CDH7: variants seen among roughly 807,000 people sequenced by gnomAD.
CDH7 encodes the protein cadherin 7.
Under a neutral mutation model 71.8 loss-of-function variants are expected in CDH7, and 25 were observed. The observed-to-expected ratio is 0.35, with a 90% CI of 0.25 to 0.49. CDH7 has a LOEUF of 0.49. Among genes scored for constraint, CDH7 ranks in the 20% least tolerant of loss-of-function variants. The pLI is 0.99. For synonymous variants in CDH7, 381 were observed against 363.8 expected, an observed-to-expected ratio of 1.05 and a Z score of -0.54; for missense variants, 862 against 974.6, an observed-to-expected ratio of 0.88 and a Z score of 1.54.
intron 7 of CDH7, among the ~76,000 whole-genome samples, chr18:65,846,139 G>A (rs1206828631): frequency 2.0e-5 from 3 of 152,010 alleles, no homozygotes; most frequent in Non-Finnish European, 4.4e-5. Context: ...TTAGGAAGAA[G>A]AAGGAATAGT....
chr18:65,778,333 C>T (rs758706952), intron 2 of CDH7, among the ~76,000 whole-genome samples: 67 of 144,786 alleles, frequency 4.6e-4, no homozygotes, highest in Non-Finnish European at 5.5e-4. Flanking sequence ...AAGCATGTAA[C>T]CCTGAATTCC....
chr18:65,861,294 G>A (rs1913554806), intron 10 of CDH7, among the ~76,000 whole-genome samples: 1 of 150,740 alleles, frequency 6.6e-6, no homozygotes, highest in Non-Finnish European at 1.5e-5. Context: ...CTCACTTTTT[G>A]GGCATTTCAG....
intron 6 of CDH7, among the ~76,000 whole-genome samples, chr18:65,826,412 T>C (rs1305797387): frequency 1.3e-5 from 2 of 151,174 alleles, no homozygotes; most frequent in African/African-American, 4.8e-5. Flanking sequence ...TATTGAACAA[T>C]GGAAGAAATG....
rs1331095260 is a variant in CDH7 at position 65,762,678 on chromosome 18, A to G, written c.-165A>G. On this transcript the variant is annotated 5_prime_UTR_variant, in exon 2 of 12. Coordinates refer to ENST00000397968, the MANE Select transcript of CDH7 (RefSeq NM_004361.5). ...ACTACACCATTCTTTGGCGAAGGCT[A>G]TTCAGCAGTGGTGACCTCTTCCAAT... 6.7e-6 allele frequency: 4 copies of G among 597,658 alleles called. No individual in the cohort carries two copies. Among genetic ancestry groups the G allele is most frequent in the Non-Finnish European group, 1.2e-5 (4 of 339,298 alleles). The allele number at this position is 597,658 out of a possible 1,614,324, so 37.0% of individuals were successfully genotyped here. A position where few individuals can be genotyped will look rare whatever the true frequency, so the allele number is the denominator to read the frequency against.
chr18:65,868,451 T>TA (rs1913831827), intron 11 of CDH7, among the ~76,000 whole-genome samples: 1 of 152,162 alleles, frequency 6.6e-6, no homozygotes, highest in Admixed American at 6.5e-5. Flanking sequence ...GCCTCCTAAA[T>TA]GTTCTTTATA....
chr18:65,839,588 A>G (rs1281640444), intron 6 of CDH7, among the ~76,000 whole-genome samples: 1 of 152,196 alleles, frequency 6.6e-6, no homozygotes, highest in Non-Finnish European at 1.5e-5. Context: ...CATTTTTTAA[A>G]ATGCATGTTA....
At chr18:65,812,436 A>T (rs544035162) in intron 3 of CDH7, among the ~76,000 whole-genome samples, 1 of 152,328 alleles carries the variant, frequency 6.6e-6, no homozygotes, top group South Asian at 2.1e-4. Flanking sequence ...AAACTACATA[A>T]CATACGTTGT....
chr18:65,875,786 T>C (rs1914056983), intron 11 of CDH7, among the ~76,000 whole-genome samples: 1 of 151,908 alleles, frequency 6.6e-6, no homozygotes, highest in Admixed American at 6.6e-5. Context: ...AAAATAGCCA[T>C]GTGTGGTGGT....
At chr18:65,752,069 T>A (rs1278511103) in intron 1 of CDH7, among the ~76,000 whole-genome samples, 1 of 152,250 alleles carries the variant, frequency 6.6e-6, no homozygotes, top group East Asian at 1.9e-4. Context: ...ACGAGGAATG[T>A]ACTTATAACA....
intron 5 of CDH7, among the ~76,000 whole-genome samples, 179 bp downstream of exon 5, chr18:65,822,427 T>C (rs1911968890): frequency 6.6e-6 from 1 of 152,116 alleles, no homozygotes; most frequent in South Asian, 2.1e-4. Context: ...ATTATAAGGG[T>C]ATTGAGAAGA....
At chr18:65,848,017 T>A (rs1452348358) in intron 7 of CDH7, among the ~76,000 whole-genome samples, 1 of 152,130 alleles carries the variant, frequency 6.6e-6, no homozygotes, top group Non-Finnish European at 1.5e-5. Flanking sequence ...GGCAAGCACG[T>A]TTCCGGCTTG....
chr18:65,781,932 C>CTT (rs1910262003), intron 2 of CDH7, among the ~76,000 whole-genome samples: 1 of 118,144 alleles, frequency 8.5e-6, no homozygotes, highest in African/African-American at 4.3e-5. Flanking sequence ...TTCTCTCTCT[C>CTT]TCTCTCTCTC....
At chr18:65,766,304 T>G (rs996581532) in intron 2 of CDH7, among the ~76,000 whole-genome samples, 51 of 152,288 alleles carry the variant, frequency 3.3e-4, no homozygotes, top group African/African-American at 1.2e-3. Context: ...TAAATGACTC[T>G]TCAGTCAATA....
chr18:65,796,105 A>G (rs907851389), intron 2 of CDH7, among the ~76,000 whole-genome samples: 1 of 152,196 alleles, frequency 6.6e-6, no homozygotes, highest in African/African-American at 2.4e-5. Flanking sequence ...ATGGACTAAT[A>G]TAATATCCTT....
At chr18:65,823,899 T>C (rs1912030117) in intron 5 of CDH7, among the ~76,000 whole-genome samples, 1 of 151,912 alleles carries the variant, frequency 6.6e-6, no homozygotes. Context: ...GCTGCGGTGT[T>C]TCGTCATTTC....
At position 65,825,633 on chromosome 18, in the gene CDH7, T is replaced by G. The variant is rs528883393; in HGVS notation, c.981+802T>G. On this transcript the variant is annotated intron_variant, in intron 6 of 11. Transcript: ENST00000397968. Reference sequence around the variant, plus strand: ...CTTGACCCCTAAGATACGAAATTTTTTGTCAGTATGAAAATCCAGTGTATA... The same window carrying G: ...CTTGACCCCTAAGATACGAAATTTTGTGTCAGTATGAAAATCCAGTGTATA... Among the ~76,000 whole-genome samples the G allele has an allele frequency of 1.7e-4, 26 of 151,972 alleles. No homozygotes were observed. In the Middle Eastern group the frequency reaches 0.01, roughly 60 times the overall value.
At chr18:65,798,090 G>A (rs545206522) in intron 2 of CDH7, among the ~76,000 whole-genome samples, 3 of 152,140 alleles carry the variant, frequency 2.0e-5, no homozygotes, top group Admixed American at 6.5e-5. Context: ...AAACTGGGTC[G>A]CTGGCTTCCC....
intron 1 of CDH7, among the ~76,000 whole-genome samples, chr18:65,751,951 A>G (rs1276496405): frequency 6.6e-6 from 1 of 152,228 alleles, no homozygotes; most frequent in African/African-American, 2.4e-5. Context: ...GTCATAGTTC[A>G]GGTGAGTAAA....
chr18:65,846,468 T>A (rs1912938403), intron 7 of CDH7, among the ~76,000 whole-genome samples: 1 of 152,202 alleles, frequency 6.6e-6, no homozygotes, highest in Non-Finnish European at 1.5e-5. Context: ...TATGAATATT[T>A]CTTTTGCATT....
Sources: allele counts gnomAD v4.1 joint callset (sites outside exome capture counted in the v4.1 genomes callset), GRCh38; gene constraint gnomAD v4.1.1; transcripts MANE v1.5; gene names NCBI Gene and HGNC (gene_info 2026-07-23, HGNC 2026-07-21).